The following SLC16A10 variants were observed in gnomAD, a reference collection of about 807,000 sequenced individuals.
SLC16A10 encodes solute carrier family 16 member 10.
A neutral mutation model predicts 40.0 loss-of-function variants in SLC16A10; 27 were observed. The ratio of observed to expected loss-of-function variants is 0.67; its 90% CI spans 0.50 to 0.93. The LOEUF (loss-of-function observed/expected upper bound fraction) is 0.93, where lower values mean the gene tolerates loss of function less well. Among genes scored for constraint, SLC16A10 ranks in the 40% least tolerant of loss-of-function variants. SLC16A10 has a pLI of 0.00. For missense variants in SLC16A10, 529 were observed against 658.2 expected (o/e 0.80, Z 2.15); for synonymous variants, 213 against 249.8 (o/e 0.85, Z 1.39).
chr6:111,189,410 ATTTT>A (rs1392997772), intron 3 of SLC16A10, among the ~76,000 whole-genome samples: 36 of 152,170 alleles, frequency 2.4e-4, no homozygotes, highest in Non-Finnish European at 4.4e-5. Context: ...CAAGAGTTGG[ATTTT>A]TTTATCCAAC....
At chr6:111,193,700 T>C (rs1400345002) in intron 3 of SLC16A10, among the ~76,000 whole-genome samples, 1 of 152,212 alleles carries the variant, frequency 6.6e-6, no homozygotes, top group Non-Finnish European at 1.5e-5. Context: ...TTAGAAATGA[T>C]TCATGGATTA....
intron 3 of SLC16A10, among the ~76,000 whole-genome samples, chr6:111,202,676 CAG>C (rs1410300202): frequency 2.0e-5 from 3 of 151,914 alleles, no homozygotes; most frequent in Non-Finnish European, 2.9e-5. Context: ...ATCATGAGGT[CAG>C]GAGTTCGAGA....
chr6:111,163,301 C>T (rs906123404), intron 1 of SLC16A10, among the ~76,000 whole-genome samples: 8 of 150,770 alleles, frequency 5.3e-5, no homozygotes, highest in East Asian at 2.0e-4. Context: ...TACAGGCGCC[C>T]GCCACTACGC....
intron 1 of SLC16A10, among the ~76,000 whole-genome samples, chr6:111,163,533 T>C (rs186331218): frequency 3.8e-4 from 58 of 152,370 alleles, no homozygotes; most frequent in African/African-American, 1.3e-3. Context: ...GGAACATATG[T>C]ATTTTTCATT....
Position 111,172,904 on chromosome 6 carries a change from A to G in SLC16A10, c.488+65A>G. 3.9e-6 allele frequency: 6 copies of G among 1,551,598 alleles called. 1 individual carries two copies. The Middle Eastern group carries it at 5.4e-4, about 139-fold the overall frequency. On this transcript the variant is annotated intron_variant, in intron 2 of 5. Coordinates refer to ENST00000368851, the MANE Select transcript of SLC16A10 (RefSeq NM_018593.5). ...TTAGATACCTTAAAGTTTTACTTTC[A>G]GAAACTATGCTATTTACAAGCAAAG...
At chr6:111,114,702 G>A (rs1280429010) in intron 1 of SLC16A10, among the ~76,000 whole-genome samples, 7 of 152,058 alleles carry the variant, frequency 4.6e-5, no homozygotes, top group Admixed American at 3.3e-4. Context: ...GGAAATGGAG[G>A]GGGGAGGCCA....
At chr6:111,204,488 G>A (rs1420956141) in intron 3 of SLC16A10, among the ~76,000 whole-genome samples, 1 of 152,162 alleles carries the variant, frequency 6.6e-6, no homozygotes, top group East Asian at 1.9e-4. Context: ...GTAGGAACAC[G>A]GAATACCTCA....
intron 1 of SLC16A10, among the ~76,000 whole-genome samples, chr6:111,163,802 T>C (rs1227810970): frequency 6.6e-6 from 1 of 152,186 alleles, no homozygotes; most frequent in Non-Finnish European, 1.5e-5. Context: ...TTAGCCAAAA[T>C]GATGACTCAA....
chr6:111,130,738 T>G (rs1384547153), intron 1 of SLC16A10, among the ~76,000 whole-genome samples: 1 of 152,232 alleles, frequency 6.6e-6, no homozygotes, highest in Non-Finnish European at 1.5e-5. Context: ...CCATCTCTGC[T>G]CTGATATAAT....
intron 1 of SLC16A10, among the ~76,000 whole-genome samples, chr6:111,144,226 C>T (rs975762438): frequency 1.3e-4 from 20 of 152,096 alleles, no homozygotes; most frequent in South Asian, 1.0e-3. Context: ...CTTTTTGAGA[C>T]GGAGTCTCTC....
intron 1 of SLC16A10, among the ~76,000 whole-genome samples, chr6:111,147,579 T>A (rs1275351829): frequency 6.6e-6 from 1 of 152,142 alleles, no homozygotes; most frequent in African/African-American, 2.4e-5. Context: ...TTCAGCACTA[T>A]TTGGAAATGA....
At chr6:111,214,979 C>T (rs1214038631) in intron 4 of SLC16A10, among the ~76,000 whole-genome samples, 1 of 151,888 alleles carries the variant, frequency 6.6e-6, no homozygotes, top group Non-Finnish European at 1.5e-5. Context: ...AGTAGCCAGG[C>T]GTGGTAGTGG....
rs1328040449 is a variant in SLC16A10, at chr6:111,087,798, G to A, written c.46G>A (p.Glu16Lys). The A allele has an allele frequency of 1.3e-4, 162 of 1,267,570 alleles. No homozygotes were observed. Among genetic ancestry groups the A allele is most frequent in the Non-Finnish European group, 1.6e-4 (161 of 1,012,310 alleles). 78.5% of individuals were successfully genotyped at this position (1,267,570 alleles called of 1,614,324 possible). A position where few individuals can be genotyped will look rare whatever the true frequency, so the allele number is the denominator to read the frequency against. The change falls in exon 1 of 6, where the codon GAG (glutamate) becomes AAG (lysine). Residue 16 changes from glutamate to lysine, a missense_variant. Glu to Lys is a moderately conservative substitution (Grantham distance 56). Coordinates refer to ENST00000368851, the MANE Select transcript of SLC16A10 (RefSeq NM_018593.5). ...EEPDSARGTSEAQPLGPAPTG... is the reference protein window; with the variant it reads ...EEPDSARGTSKAQPLGPAPTG... ...GCCGGACTCCGCGCGGGGCACGAGC[G>A]AGGCGCAGCCGCTCGGCCCCGCGCC...
Position 111,185,208 on chromosome 6 carries a change from C to T in SLC16A10, c.942+7543C>T, listed in dbSNP as rs146782786. 5.0e-4 allele frequency among the ~76,000 whole-genome samples: 76 copies of T among 152,322 alleles called. 1 individual carries two copies. The highest frequency in any genetic ancestry group is 1.7e-3 in the African/African-American group (72 of 41,566). ...AAAGCTGTGCTTGTTCAAAGCCATT[C>T]GCATTATGCTTAAAGCTGGGATTTG... On this transcript the variant is annotated intron_variant, in intron 3 of 5. Coordinates refer to ENST00000368851, the MANE Select transcript of SLC16A10 (RefSeq NM_018593.5).
At chr6:111,134,378 A>G (rs1490347294) in intron 1 of SLC16A10, among the ~76,000 whole-genome samples, 1 of 152,222 alleles carries the variant, frequency 6.6e-6, no homozygotes, top group Non-Finnish European at 1.5e-5. Context: ...ACCTGACTCT[A>G]TTGAAGGCCA....
intron 4 of SLC16A10, among the ~76,000 whole-genome samples, chr6:111,209,106 C>T (rs1773301190): frequency 6.6e-6 from 1 of 151,944 alleles, no homozygotes; most frequent in Admixed American, 6.6e-5. Flanking sequence ...ATGCAGGAGG[C>T]TGAGGTGGGA....
chr6:111,198,666 T>C (rs919249884), intron 3 of SLC16A10, among the ~76,000 whole-genome samples: 1 of 152,230 alleles, frequency 6.6e-6, no homozygotes, highest in Non-Finnish European at 1.5e-5. Context: ...TATAATCTTA[T>C]GGAATCGCTG....
chr6:111,110,915 A>C (rs970222051), intron 1 of SLC16A10, among the ~76,000 whole-genome samples: 2 of 152,192 alleles, frequency 1.3e-5, no homozygotes, highest in Non-Finnish European at 2.9e-5. Flanking sequence ...GAAGCTGATT[A>C]AACATTTAAC....
At chr6:111,171,270 A>G (rs1012184944) in intron 1 of SLC16A10, among the ~76,000 whole-genome samples, 17 of 152,246 alleles carry the variant, frequency 1.1e-4, no homozygotes, top group Non-Finnish European at 2.5e-4. Context: ...TGTCACCACC[A>G]TCTAAGTCAA....
Sources: gnomAD v4.1 joint callset for allele counts (sites outside exome capture counted in the v4.1 genomes callset) on GRCh38, gnomAD v4.1.1 for gene constraint, MANE v1.5 for transcripts, NCBI Gene and HGNC (gene_info 2026-07-23, HGNC 2026-07-21) for gene names.